Variants in SLC9A1 observed in about 807,000 individuals in gnomAD.
The protein encoded by SLC9A1 is solute carrier family 9 member A1.
SLC9A1 carries 22 observed loss-of-function variants against 67.9 expected under a neutral mutation model. That is an observed-to-expected ratio of 0.32 (90% confidence interval 0.23 to 0.46). The LOEUF (loss-of-function observed/expected upper bound fraction) is 0.46. Ranked by LOEUF, SLC9A1 falls within the 20% of genes least tolerant of loss-of-function variation. SLC9A1 has a pLI of 1.00. For missense variants in SLC9A1, 686 were observed against 1,094.8 expected, an observed-to-expected ratio of 0.63 and a Z score of 5.27; for synonymous variants, 421 against 471.8, an observed-to-expected ratio of 0.89 and a Z score of 1.40.
intron 1 of SLC9A1, among the ~76,000 whole-genome samples, chr1:27,138,664 C>A (rs1368058554): frequency 1.3e-5 from 2 of 151,990 alleles, no homozygotes; most frequent in Non-Finnish European, 2.9e-5. Context: ...GGCTGGGGAT[C>A]GAGCAAATGC....
chr1:27,143,858 A>G (rs1325270684), intron 1 of SLC9A1, among the ~76,000 whole-genome samples: 5 of 152,206 alleles, frequency 3.3e-5, no homozygotes, highest in Non-Finnish European at 7.3e-5. Context: ...ACACACTCAC[A>G]TACTCAATAT....
At position 27,109,879 on chromosome 1, in the gene SLC9A1, CCACAAGAAGAGGCCACACGG is replaced by C; in HGVS notation, c.814-122_814-103del. On this transcript the variant is annotated intron_variant, in intron 2 of 11. Coordinates refer to ENST00000263980, the MANE Select transcript of SLC9A1 (RefSeq NM_003047.5). The surrounding 1 kb of genome is among the most constrained non-coding windows in gnomAD (Gnocchi z 5.5). ...ATCCTGTCCCCTCCGTTAACCATGGCCACAAGAAGAGGCCACACGGTAGCAGAGAAACCCTAGTGCCAAGC... is the reference window on the plus strand; with the variant it reads ...ATCCTGTCCCCTCCGTTAACCATGGCTAGCAGAGAAACCCTAGTGCCAAGC... 1 of 1,365,650 alleles carries C rather than the reference CCACAAGAAGAGGCCACACGG, an allele frequency of 7.3e-7. No homozygotes were observed. The allele number at this position is 1,365,650 out of a possible 1,614,324, so 84.6% of individuals were successfully genotyped here.
chr1:27,137,333 A>G lies in SLC9A1; in HGVS notation c.352+16650T>C, dbSNP rs1315613723. 3.3e-5 allele frequency among the ~76,000 whole-genome samples: 5 copies of G among 152,222 alleles called. No individual in the cohort carries two copies. The highest frequency in any genetic ancestry group is 9.7e-5 in the African/African-American group (4 of 41,448). On this transcript the variant is annotated intron_variant, in intron 1 of 11. Coordinates refer to ENST00000263980, the MANE Select transcript of SLC9A1 (RefSeq NM_003047.5). This position sits in a 1 kb window ranked among gnomAD's most constrained non-coding sequence, Gnocchi z 4.6. ...ACTAGAGGTCGGGGAGCTGAGCTCA[A>G]TGCAGCTCTGTGGCCCTTAAGCAAG...
Position 27,109,414 on chromosome 1 carries a change from G to A in SLC9A1, c.1064+113C>T. Reference sequence around the variant, plus strand: ...AGCCTGGAGTTCATGTCTCATCCCTGGAGCTCAAGGCTGGGCCCTGGGAGC... The same window carrying A: ...AGCCTGGAGTTCATGTCTCATCCCTAGAGCTCAAGGCTGGGCCCTGGGAGC... On this transcript the variant is annotated intron_variant, in intron 3 of 11. Transcript: ENST00000263980. The surrounding 1 kb of genome is among the most constrained non-coding windows in gnomAD (Gnocchi z 5.5). 8.6e-7 allele frequency: 1 copy of A among 1,164,330 alleles called. No homozygotes were observed. Among genetic ancestry groups the A allele is most frequent in the South Asian group, 1.3e-5 (1 of 74,412 alleles). 72.1% of individuals were successfully genotyped at this position (1,164,330 alleles called of 1,614,324 possible).
chr1:27,120,503 C>T (rs992458680), intron 1 of SLC9A1, among the ~76,000 whole-genome samples: 9 of 151,514 alleles, frequency 5.9e-5, no homozygotes, highest in South Asian at 2.1e-4. Flanking sequence ...TTTGGGAGGC[C>T]GAGGCGGGTG....
chr1:27,146,151 C>A (rs1425805151), intron 1 of SLC9A1, among the ~76,000 whole-genome samples: 1 of 152,090 alleles, frequency 6.6e-6, no homozygotes, highest in East Asian at 1.9e-4. Context: ...TCAGGAATAA[C>A]CCAGGTCCTG....
At chr1:27,126,894 G>A (rs934029764) in intron 1 of SLC9A1, among the ~76,000 whole-genome samples, 1 of 152,236 alleles carries the variant, frequency 6.6e-6, no homozygotes, top group Admixed American at 6.5e-5. Flanking sequence ...TTTCCTTGAA[G>A]GAAGGGTGAG....
chr1:27,141,867 G>A (rs2083455314), intron 1 of SLC9A1, among the ~76,000 whole-genome samples: 2 of 152,194 alleles, frequency 1.3e-5, no homozygotes, highest in South Asian at 4.1e-4. Context: ...GGCCACCGGG[G>A]AGATAAGATC....
chr1:27,129,266 C>T (rs184537221), intron 1 of SLC9A1, among the ~76,000 whole-genome samples: 4 of 152,334 alleles, frequency 2.6e-5, no homozygotes, highest in Admixed American at 6.5e-5. Context: ...CTTCTGATAA[C>T]GATCCAGCTG....
In SLC9A1 at chr1:27,154,187, C is replaced by G. The variant is rs1426969024; in HGVS notation, c.148G>C (p.Glu50Gln). ...SPTASTIRSS[E>Q]PPRERSIGDV... is the part of the protein sequence containing the mutation. ...CCAATCGAGCGTTCTCGTGGTGGCT[C>G]TGAGCTTCGAATGGTGCTGGCAGTT... is the stretch of plus-strand genomic sequence containing the variant. Residue 50 changes from glutamate (E) to glutamine (Q), a missense_variant, in exon 1 of 12, where the codon GAG (glutamate) becomes CAG (glutamine). Transcript: ENST00000263980. 1 of 1,614,144 alleles carries G rather than the reference C, an allele frequency of 6.2e-7. No homozygotes were observed.
chr1:27,139,495 GC>G (rs571880478), intron 1 of SLC9A1, among the ~76,000 whole-genome samples: 101 of 152,328 alleles, frequency 6.6e-4, no homozygotes, highest in African/African-American at 2.3e-3. Context: ...ACTATGCGAA[GC>G]CCTGAGCACA....
chr1:27,100,660 A>T lies in SLC9A1; in HGVS notation c.2111-16T>A, dbSNP rs1248547523. 1.3e-6 allele frequency: 2 copies of T among 1,586,800 alleles called. No individual in the cohort carries two copies. The highest frequency in any genetic ancestry group is 1.7e-6 in the Non-Finnish European group (2 of 1,165,432). On this transcript the variant is annotated splice_polypyrimidine_tract_variant and intron_variant, in intron 11 of 11. Transcript: ENST00000263980. This position sits in a 1 kb window ranked among gnomAD's most constrained non-coding sequence, Gnocchi z 5.6. ...GCCAGTGGGTCTGGGGACCAAGAGCAAGGCACAAGCTGGGTTCCGCTCTGG... is the reference window on the plus strand; with the variant it reads ...GCCAGTGGGTCTGGGGACCAAGAGCTAGGCACAAGCTGGGTTCCGCTCTGG...
Position 27,151,537 on chromosome 1 carries a change from T to C in SLC9A1, c.352+2446A>G, listed in dbSNP as rs147966847. On this transcript the variant is annotated intron_variant, in intron 1 of 11. Coordinates refer to ENST00000263980, the MANE Select transcript of SLC9A1 (RefSeq NM_003047.5). The stretch of plus-strand genomic sequence containing the variant: ...CACCATGCCCAGCTAATTTTTTGTA[T>C]TTTTAGTAGAGACGGGGTTTCACCA... Among the ~76,000 whole-genome samples, 244 of 152,226 alleles carry C rather than the reference T, an allele frequency of 1.6e-3. 1 individual carries two copies. The highest frequency in any genetic ancestry group is 5.4e-3 in the African/African-American group (225 of 41,536).
chr1:27,123,025 G>A (rs779615385), intron 1 of SLC9A1, among the ~76,000 whole-genome samples: 2 of 150,906 alleles, frequency 1.3e-5, no homozygotes, highest in Non-Finnish European at 1.5e-5. Context: ...AGCTCAGGGG[G>A]TCGGCTTTAC....
rs146060267 is a variant in SLC9A1 at position 27,146,510 on chromosome 1, G to A, written c.352+7473C>T. 1.1e-3 allele frequency among the ~76,000 whole-genome samples: 162 copies of A among 152,350 alleles called. 1 individual carries two copies. Among genetic ancestry groups the A allele is most frequent in the African/African-American group, 3.7e-3 (155 of 41,580 alleles). ...AACTGAAAAGGCCCTTGGAATCAGG[G>A]CATGAGGATGAAAAGAACACAGGCT... On this transcript the variant is annotated intron_variant, in intron 1 of 11. Coordinates refer to ENST00000263980, the MANE Select transcript of SLC9A1 (RefSeq NM_003047.5).
intron 1 of SLC9A1, among the ~76,000 whole-genome samples, chr1:27,153,204 C>A (rs1430624518): frequency 6.6e-6 from 1 of 152,136 alleles, no homozygotes; most frequent in African/African-American, 2.4e-5. Flanking sequence ...GCAGGCCAGA[C>A]AGCACCCTGA....
chr1:27,138,787 T>C (rs1480115267), intron 1 of SLC9A1, among the ~76,000 whole-genome samples: 5 of 151,854 alleles, frequency 3.3e-5, no homozygotes, highest in African/African-American at 9.7e-5. Flanking sequence ...GAGAAAGGGG[T>C]GGGCCACACT....
In SLC9A1 at chr1:27,102,016, C is replaced by T. The variant is rs368461104; in HGVS notation, c.1935G>A (p.Arg645=). ...LRNNLQKTRQ[R]LRSYNRHTLV... is the part of the protein sequence containing the mutation. The stretch of plus-strand genomic sequence containing the variant: ...GTCGGGCTGGGGAGCAGGCCCTCAC[C>T]CGCTGCCTGGTCTTCTGCAAGTTGT... Residue 645 remains arginine (R), a splice_region_variant and synonymous_variant, in exon 9 of 12, where the codon CGG becomes CGA. Transcript: ENST00000263980. 16 of 1,608,840 alleles carry T rather than the reference C, an allele frequency of 9.9e-6. No homozygotes were observed. Among genetic ancestry groups the T allele is most frequent in the Non-Finnish European group, 1.3e-5 (15 of 1,175,494 alleles).
intron 1 of SLC9A1, among the ~76,000 whole-genome samples, chr1:27,138,604 A>G (rs1443870697): frequency 6.6e-6 from 1 of 152,098 alleles, no homozygotes; most frequent in East Asian, 1.9e-4. Context: ...CGTTTGATCT[A>G]GGGCCTGAAG....
Sources: allele counts gnomAD v4.1 joint callset (sites outside exome capture counted in the v4.1 genomes callset), GRCh38; gene constraint gnomAD v4.1.1; non-coding constraint Gnocchi (gnomAD v3.1); transcripts MANE v1.5; gene names NCBI Gene and HGNC (gene_info 2026-07-23, HGNC 2026-07-21).